Variants in ZFYVE28 observed in about 807,000 individuals in gnomAD.
ZFYVE28 encodes the protein zinc finger FYVE-type containing 28.
In ZFYVE28, 40 loss-of-function variants were observed where a neutral mutation model predicts 82.1. The observed-to-expected ratio is 0.49, with a 90% CI of 0.38 to 0.63. The LOEUF is 0.63. Among genes scored for constraint, ZFYVE28 ranks in the 30% least tolerant of loss-of-function variants. The probability of loss-of-function intolerance (pLI) is 0.00; values close to 1 mark genes in which losing one functional copy is unlikely to be tolerated. For synonymous variants in ZFYVE28, 612 were observed against 546.1 expected (o/e 1.12, Z -1.68); for missense variants, 1,321 against 1,242.1 (o/e 1.06, Z -0.96).
At chr4:2,391,839 G>A (rs1345521434) in intron 1 of ZFYVE28, among the ~76,000 whole-genome samples, 1 of 150,046 alleles carries the variant, frequency 6.7e-6, no homozygotes, top group Non-Finnish European at 1.5e-5. Context: ...GGCTTCAAGC[G>A]ATTCCCCTGC....
At chr4:2,302,803 G>A (rs1442077755) in intron 8 of ZFYVE28, among the ~76,000 whole-genome samples, 1 of 152,270 alleles carries the variant, frequency 6.6e-6, no homozygotes, top group African/African-American at 2.4e-5. Context: ...GTGTTGCCGT[G>A]TGCCTCTACA....
chr4:2,281,862 G>C (rs4974668), intron 8 of ZFYVE28, among the ~76,000 whole-genome samples: 1 of 151,940 alleles, frequency 6.6e-6, no homozygotes, highest in Admixed American at 6.6e-5. Flanking sequence ...TCCCCCAAAA[G>C]CCAAGTCTAG....
rs2071680 is a variant in ZFYVE28, at chr4:2,339,467, T to C, written c.507A>G (p.Ala169=). 0.58 allele frequency: 941,163 copies of C among 1,612,908 alleles called. 277,419 individuals are homozygous for C. The highest frequency in any genetic ancestry group is 0.74 in the Admixed American group (44,271 of 59,832). ...EALRHFDVLF[A]EFELSYVSAM... is the part of the protein sequence containing the mutation. ...AGCTGCAGTACCTGAGCTCAAACTC[T>C]GCGAACAGGACGTCGAAGTGCCTCA... is the stretch of plus-strand genomic sequence containing the variant. The change falls in exon 4 of 13, where the codon GCA becomes GCG. Residue 169 remains alanine (A), a synonymous_variant. Coordinates refer to ENST00000290974, the MANE Select transcript of ZFYVE28 (RefSeq NM_020972.3). The surrounding 1 kb of genome is among the most constrained non-coding windows in gnomAD (Gnocchi z 5.0).
At chr4:2,283,473 A>G (rs1712256431) in intron 8 of ZFYVE28, among the ~76,000 whole-genome samples, 1 of 128,570 alleles carries the variant, frequency 7.8e-6, no homozygotes, top group Non-Finnish European at 1.6e-5. Context: ...CCATCCATCC[A>G]CCCATCCACT....
chr4:2,319,176 C>T (rs1718674780), intron 7 of ZFYVE28: 1 of 152,266 alleles, frequency 6.6e-6, no homozygotes, highest in South Asian at 2.1e-4. Flanking sequence ...GTGTAGGTGG[C>T]ATCTGTCTCC....
chr4:2,337,537 T>G, intron 4 of ZFYVE28, 41 bp from the exon 5 acceptor site: 2 of 1,533,846 alleles, frequency 1.3e-6, no homozygotes, highest in Non-Finnish European at 1.8e-6. Context: ...ACCTGGGCTG[T>G]GGCGGGGCCC....
intron 8 of ZFYVE28, among the ~76,000 whole-genome samples, chr4:2,294,583 A>G (rs1467704926): frequency 6.6e-6 from 1 of 152,236 alleles, no homozygotes; most frequent in African/African-American, 2.4e-5. Flanking sequence ...TCATAAAATA[A>G]AAAATTGATA....
chr4:2,357,968 G>A (rs758636222), intron 1 of ZFYVE28, among the ~76,000 whole-genome samples: 1 of 152,170 alleles, frequency 6.6e-6, no homozygotes, highest in Admixed American at 6.5e-5. Flanking sequence ...CAGCCACAAC[G>A]CAGGTGCATG....
intron 6 of ZFYVE28, among the ~76,000 whole-genome samples, chr4:2,331,351 T>C (rs1720677810): frequency 6.6e-6 from 1 of 151,548 alleles, no homozygotes; most frequent in South Asian, 2.1e-4. Flanking sequence ...GGAACTGTTT[T>C]AAGGCCGGGG....
intron 2 of ZFYVE28, among the ~76,000 whole-genome samples, chr4:2,352,936 T>C (rs2108881436): frequency 6.6e-6 from 1 of 152,264 alleles, no homozygotes; most frequent in Admixed American, 6.5e-5. Flanking sequence ...GGCACTTTCC[T>C]CCTCCAGGCT....
chr4:2,273,165 G>T lies in ZFYVE28; in HGVS notation c.2323+8C>A. On this transcript the variant is annotated splice_region_variant and intron_variant, in intron 10 of 12. Coordinates refer to ENST00000290974, the MANE Select transcript of ZFYVE28 (RefSeq NM_020972.3). ...AGGCCTCAGAGCCCGTCCTGAGTGG[G>T]CACTCACCCTTCCTTAACTTTTCCT... is the stretch of plus-strand genomic sequence containing the variant. 6.2e-7 allele frequency: 1 copy of T among 1,608,828 alleles called. No individual in the cohort carries two copies. The highest frequency in any genetic ancestry group is 1.1e-5 in the South Asian group (1 of 90,666).
chr4:2,392,518 G>A (rs775264749), intron 1 of ZFYVE28, among the ~76,000 whole-genome samples: 2 of 152,164 alleles, frequency 1.3e-5, no homozygotes, highest in East Asian at 1.9e-4. Context: ...ATTTGGGAAC[G>A]AACTCATTTA....
chr4:2,357,824 A>G (rs1339674628), intron 1 of ZFYVE28, among the ~76,000 whole-genome samples: 1 of 152,220 alleles, frequency 6.6e-6, no homozygotes, highest in East Asian at 1.9e-4. Context: ...GGGGCCACGC[A>G]GAGACCCCCA....
intron 7 of ZFYVE28, among the ~76,000 whole-genome samples, chr4:2,318,636 C>G (rs1350120159): frequency 6.6e-6 from 1 of 152,162 alleles, no homozygotes; most frequent in Admixed American, 6.5e-5. Context: ...GCAGTTCCAT[C>G]GGGGCGGCAG....
intron 8 of ZFYVE28, among the ~76,000 whole-genome samples, chr4:2,277,749 G>A (rs967381607): frequency 2.0e-5 from 3 of 152,142 alleles, no homozygotes; most frequent in African/African-American, 4.8e-5. Context: ...TTGTTGAGAC[G>A]GCATGACTCC....
Position 2,341,249 on chromosome 4 carries a change from T to G in ZFYVE28, c.318+229A>C. The G allele has an allele frequency of 1.7e-6, 1 of 602,960 alleles. No individual in the cohort carries two copies. 37.4% of individuals were successfully genotyped at this position (602,960 alleles called of 1,614,324 possible). The stretch of plus-strand genomic sequence containing the variant: ...AACCTCATAAAAACCACATGGGAAA[T>G]TTCATTTGTATGTATAGTTTTGGGG... On this transcript the variant is annotated intron_variant, in intron 3 of 12. Coordinates refer to ENST00000290974, the MANE Select transcript of ZFYVE28 (RefSeq NM_020972.3). This position sits in a 1 kb window ranked among gnomAD's most constrained non-coding sequence, Gnocchi z 4.5.
chr4:2,410,997 T>C (rs1387486285), intron 1 of ZFYVE28, among the ~76,000 whole-genome samples: 1 of 152,220 alleles, frequency 6.6e-6, no homozygotes, highest in African/African-American at 2.4e-5. Context: ...CTAAAAATAA[T>C]TGGAAACATT....
At chr4:2,367,923 C>T (rs1560293953) in intron 1 of ZFYVE28, among the ~76,000 whole-genome samples, 1 of 152,166 alleles carries the variant, frequency 6.6e-6, no homozygotes, top group Non-Finnish European at 1.5e-5. Context: ...TGCCAGGTGC[C>T]CTCCCCTTAC....
At chr4:2,309,454 C>A (rs1255653790) in intron 7 of ZFYVE28, among the ~76,000 whole-genome samples, 1 of 152,200 alleles carries the variant, frequency 6.6e-6, no homozygotes, top group Non-Finnish European at 1.5e-5. Flanking sequence ...TGCTGGCATA[C>A]AGAAAGACCA....
Sources: allele counts gnomAD v4.1 joint callset (sites outside exome capture counted in the v4.1 genomes callset), GRCh38; gene constraint gnomAD v4.1.1; non-coding constraint Gnocchi (gnomAD v3.1); transcripts MANE v1.5; gene names NCBI Gene and HGNC (gene_info 2026-07-23, HGNC 2026-07-21).